The following PHLPP1 variants were observed in gnomAD, a reference collection of about 807,000 sequenced individuals.
PHLPP1 encodes the protein PH domain leucine-rich repeat-containing protein phosphatase 1.
A neutral mutation model predicts 117.2 loss-of-function variants in PHLPP1; 42 were observed. That is an observed-to-expected ratio of 0.36 (90% CI 0.28 to 0.46). The LOEUF is 0.46. Among genes scored for constraint, PHLPP1 ranks in the 20% least tolerant of loss-of-function variants. The pLI is 1.00. For missense variants in PHLPP1, 2,084 were observed against 2,241.9 expected (o/e 0.93, Z 1.42); for synonymous variants, 1,042 against 970.7 (o/e 1.07, Z -1.37).
At chr18:62,798,365 T>C (rs894061929) in intron 1 of PHLPP1, among the ~76,000 whole-genome samples, 3 of 152,216 alleles carry the variant, frequency 2.0e-5, no homozygotes, top group African/African-American at 7.2e-5. Flanking sequence ...CTATCTTGCA[T>C]CTTTCTTAAA....
At chr18:62,949,859 T>C (rs8096249) in intron 12 of PHLPP1, among the ~76,000 whole-genome samples, 2,849 of 152,242 alleles carry the variant, frequency 0.019, 93 homozygotes, top group African/African-American at 0.064. Context: ...GAAGCAGAGG[T>C]TGGATATGGC....
chr18:62,755,552 C>T (rs956555851), intron 1 of PHLPP1, among the ~76,000 whole-genome samples: 4 of 152,056 alleles, frequency 2.6e-5, no homozygotes, highest in Admixed American at 1.3e-4. Context: ...ATAAAAGACG[C>T]CTGAGAGAGA....
Position 62,978,339 on chromosome 18 carries a change from C to T in PHLPP1, c.4062C>T (p.Arg1354=). The part of the protein sequence containing the change: ...YTFLHPSVVP[R]PHVQSVLLTP... ...TCCTCCATCCCAGTGTGGTGCCTCG[C>T]CCCCACGTGCAGTCCGTGCTCCTGA... is the stretch of plus-strand genomic sequence containing the variant. The change falls in exon 17 of 17, where the codon CGC becomes CGT. Residue 1354 remains arginine (R), a synonymous_variant. Transcript: ENST00000262719. The surrounding 1 kb of genome is among the most constrained non-coding windows in gnomAD (Gnocchi z 7.0). 1.2e-6 allele frequency: 2 copies of T among 1,612,452 alleles called. No homozygotes were observed. The highest frequency in any genetic ancestry group is 1.7e-4 in the Middle Eastern group (1 of 6,046).
chr18:62,912,308 A>G (rs1916976587), intron 8 of PHLPP1, among the ~76,000 whole-genome samples: 5 of 146,224 alleles, frequency 3.4e-5, no homozygotes. Context: ...ATAATAAAAA[A>G]AAAAAATTAA....
chr18:62,809,425 G>T (rs987948405), intron 1 of PHLPP1, among the ~76,000 whole-genome samples: 1 of 152,226 alleles, frequency 6.6e-6, no homozygotes, highest in African/African-American at 2.4e-5. Flanking sequence ...AACAGGCCAG[G>T]TGCGGTGGCT....
chr18:62,868,482 C>T (rs192081723), intron 4 of PHLPP1, among the ~76,000 whole-genome samples: 23 of 151,930 alleles, frequency 1.5e-4, no homozygotes, highest in African/African-American at 3.1e-4. Context: ...AATAGCTAGG[C>T]GTCATGGCGC....
chr18:62,738,843 A>G (rs1461139877), intron 1 of PHLPP1, among the ~76,000 whole-genome samples: 1 of 152,240 alleles, frequency 6.6e-6, no homozygotes, highest in African/African-American at 2.4e-5. Context: ...GGAAAGTAAA[A>G]TTGCAGATAA....
intron 1 of PHLPP1, among the ~76,000 whole-genome samples, chr18:62,803,936 T>C (rs1007637431): frequency 6.6e-6 from 1 of 152,190 alleles, no homozygotes; most frequent in Non-Finnish European, 1.5e-5. Flanking sequence ...TCCCTGAAAC[T>C]AAGATTTTTA....
At position 62,942,717 on chromosome 18, in the gene PHLPP1, G is replaced by A. The variant is rs544370870; in HGVS notation, c.3161+799G>A. ...AGTTAGGGCTTGAACACACACCCAC[G>A]CATCAAAGAAACAAACACTAACCCT... On this transcript the variant is annotated intron_variant, in intron 11 of 16. Transcript: ENST00000262719. 2.0e-5 allele frequency among the ~76,000 whole-genome samples: 3 copies of A among 152,074 alleles called. No individual in the cohort carries two copies. The South Asian group carries it at 6.3e-4, about 32-fold the overall frequency.
At chr18:62,835,776 C>CTTTTTTTTTT (rs747058557) in intron 2 of PHLPP1, among the ~76,000 whole-genome samples, 3 of 94,520 alleles carry the variant, frequency 3.2e-5, no homozygotes, top group East Asian at 2.7e-4. Flanking sequence ...TCAACTGGTT[C>CTTTTTTTTTT]TTTTTTTTTT....
chr18:62,738,142 C>A (rs1911421414), intron 1 of PHLPP1, among the ~76,000 whole-genome samples: 1 of 151,266 alleles, frequency 6.6e-6, no homozygotes, highest in Non-Finnish European at 1.5e-5. Flanking sequence ...AAAAAAAAAA[C>A]AGTAAAAAAT....
Position 62,941,864 on chromosome 18 carries a change from C to A in PHLPP1, c.3107C>A (p.Pro1036His), listed in dbSNP as rs1910139744. 1 of 1,613,838 alleles carries A rather than the reference C, an allele frequency of 6.2e-7. No homozygotes were observed. Among genetic ancestry groups the A allele is most frequent in the Non-Finnish European group, 8.5e-7 (1 of 1,179,878 alleles). Reference sequence around the variant, plus strand: ...TGTGTGCCCTTGTTAACGGGACACCCCCATTTGAAGATCCTTCACATGGCC... The same window carrying A: ...TGTGTGCCCTTGTTAACGGGACACCACCATTTGAAGATCCTTCACATGGCC... ...DKCVPLLTGH[P>H]HLKILHMAYN... Residue 1036 changes from proline (P) to histidine (H), a missense_variant, in exon 11 of 17, where the codon CCC becomes CAC. Physicochemically the swap from Pro to His is moderately conservative, Grantham distance 77. Around this residue, in one of 2 missense-constraint regions of PHLPP1, gnomAD observed 1,365 missense variants for 1,605.9 expected, o/e 0.85. Transcript: ENST00000262719.
chr18:62,876,356 A>AC (rs1195247052), intron 4 of PHLPP1, among the ~76,000 whole-genome samples: 1 of 152,028 alleles, frequency 6.6e-6, no homozygotes, highest in Non-Finnish European at 1.5e-5. Context: ...AGCGACTCCT[A>AC]CCCCACCCTT....
chr18:62,925,037 A>G (rs1242618151), intron 10 of PHLPP1, among the ~76,000 whole-genome samples: 3 of 151,906 alleles, frequency 2.0e-5, no homozygotes, highest in Admixed American at 2.0e-4. Context: ...TTTCTCATTT[A>G]CCTGTCTTTT....
intron 1 of PHLPP1, among the ~76,000 whole-genome samples, chr18:62,741,344 T>C (rs575265483): frequency 1.8e-3 from 276 of 152,318 alleles, no homozygotes; most frequent in African/African-American, 6.5e-3. Flanking sequence ...AGAAACTTTT[T>C]TTCATATGGG....
intron 1 of PHLPP1, among the ~76,000 whole-genome samples, chr18:62,791,288 G>T (rs1047701900): frequency 6.6e-6 from 1 of 152,118 alleles, no homozygotes; most frequent in South Asian, 2.1e-4. Context: ...CTTGGAGGGT[G>T]GGAGCAGAAG....
At chr18:62,930,532 A>C (rs1428140594) in intron 10 of PHLPP1, among the ~76,000 whole-genome samples, 1 of 152,222 alleles carries the variant, frequency 6.6e-6, no homozygotes, top group South Asian at 2.1e-4. Flanking sequence ...CTATGTACAT[A>C]CTCACCCAAC....
chr18:62,947,641 G>T (rs1276687670), intron 12 of PHLPP1, among the ~76,000 whole-genome samples: 1 of 152,180 alleles, frequency 6.6e-6, no homozygotes, highest in Non-Finnish European at 1.5e-5. Context: ...GCTGGTCTTA[G>T]TGTCTGTATC....
chr18:62,799,023 C>T (rs2144297863), intron 1 of PHLPP1, among the ~76,000 whole-genome samples: 1 of 152,262 alleles, frequency 6.6e-6, no homozygotes, highest in African/African-American at 2.4e-5. Context: ...TATTAAGTAG[C>T]AAAATTGACT....
Sources: allele counts gnomAD v4.1 joint callset (sites outside exome capture counted in the v4.1 genomes callset), GRCh38; gene constraint gnomAD v4.1.1; regional missense constraint gnomAD v4.1.1; non-coding constraint Gnocchi (gnomAD v3.1); transcripts MANE v1.5; gene names NCBI Gene and HGNC (gene_info 2026-07-23, HGNC 2026-07-21).